Variants in HIBADH observed in about 807,000 individuals in gnomAD.
The protein encoded by HIBADH is 3-hydroxyisobutyrate dehydrogenase, also known as 3-hydroxyisobutyrate dehydrogenase, mitochondrial.
In HIBADH, 25 loss-of-function variants were observed where a neutral mutation model predicts 36.1. That is an observed-to-expected ratio of 0.69 (90% CI 0.50 to 0.97). The LOEUF is 0.97. HIBADH is among the 50% of genes least tolerant of loss of function. The pLI is 0.00. For synonymous variants in HIBADH, 160 were observed against 149.5 expected, an observed-to-expected ratio of 1.07 and a Z score of -0.51; for missense variants, 421 against 418.0, an observed-to-expected ratio of 1.01 and a Z score of -0.06.
chr7:27,616,251 A>G (rs1015589468), intron 4 of HIBADH, among the ~76,000 whole-genome samples: 1 of 152,148 alleles, frequency 6.6e-6, no homozygotes, highest in Admixed American at 6.5e-5. Flanking sequence ...CCTCACCTCC[A>G]AGGAATAGCA....
chr7:27,640,120 T>A (rs1785934571), intron 2 of HIBADH, among the ~76,000 whole-genome samples: 1 of 152,242 alleles, frequency 6.6e-6, no homozygotes, highest in Admixed American at 6.5e-5. Flanking sequence ...GCCTCCCTTA[T>A]TATTGTCATA....
chr7:27,554,706 TAAGCAA>T (rs1784366330), intron 4 of HIBADH, among the ~76,000 whole-genome samples: 1 of 151,994 alleles, frequency 6.6e-6, no homozygotes. Context: ...TAAGAAGAAA[TAAGCAA>T]AAGGCAAGAT....
At position 27,531,326 on chromosome 7, in the gene HIBADH, G is replaced by C. The variant is rs1783996966; in HGVS notation, c.718C>G (p.Leu240Val). ...GAGCTCATATTTAGGATTTTAGCCA[G>C]TAGTTTTGGGTCAAGCCCTAACCTG... Reference protein sequence around the residue: ...GIRLGLDPKLLAKILNMSSGR... With the variant: ...GIRLGLDPKLVAKILNMSSGR... The change falls in exon 7 of 8, where the codon CTG (leucine) becomes GTG (valine). Residue 240 changes from leucine to valine, a missense_variant. Leu to Val is a conservative substitution (Grantham distance 32). Transcript: ENST00000265395. 1.2e-6 allele frequency: 2 copies of C among 1,612,884 alleles called. No homozygotes were observed. The highest frequency in any genetic ancestry group is 1.3e-5 in the African/African-American group (1 of 74,910).
chr7:27,662,817 C>T lies in HIBADH; in HGVS notation c.-29G>A, dbSNP rs1472239529. 2.8e-6 allele frequency: 4 copies of T among 1,446,438 alleles called. No individual in the cohort carries two copies. Among genetic ancestry groups the T allele is most frequent in the Non-Finnish European group, 3.7e-6 (4 of 1,091,282 alleles). 89.6% of individuals were successfully genotyped at this position (1,446,438 alleles called of 1,614,324 possible). On this transcript the variant is annotated 5_prime_UTR_variant, in exon 1 of 8. Coordinates refer to ENST00000265395, the MANE Select transcript of HIBADH (RefSeq NM_152740.4). ...GCGCCCGCCCCTCTCCCCGCGGTGA[C>T]CTCCGCCGCCTCCCGGAGGGCCCAC...
chr7:27,600,519 C>G (rs1243295144), intron 4 of HIBADH, among the ~76,000 whole-genome samples: 2 of 152,112 alleles, frequency 1.3e-5, no homozygotes, highest in East Asian at 1.9e-4. Flanking sequence ...AGCAATAATC[C>G]TTATTCCCTT....
intron 4 of HIBADH, among the ~76,000 whole-genome samples, chr7:27,582,335 T>C (rs566477521): frequency 1.3e-5 from 2 of 152,288 alleles, no homozygotes; most frequent in South Asian, 4.1e-4. Flanking sequence ...CAGAAATTGT[T>C]GGTGTTTTGA....
intron 4 of HIBADH, among the ~76,000 whole-genome samples, chr7:27,552,263 T>C (rs1228205002): frequency 2.0e-5 from 3 of 152,132 alleles, no homozygotes; most frequent in Admixed American, 6.5e-5. Context: ...ATGAATGGCT[T>C]TGCACATGTT....
Position 27,527,917 on chromosome 7 carries a change from C to CTT in HIBADH, c.853-1546_853-1545insAA, listed in dbSNP as rs1562609863. ...AGGCATTTGCCACCACCACACCCAG[C>CTT]GTTTTTTTTTTTTTTTTTTTTTTTT... On this transcript the variant is annotated intron_variant, in intron 7 of 7. Transcript: ENST00000265395. 3.1e-3 allele frequency among the ~76,000 whole-genome samples: 236 copies of CTT among 77,018 alleles called. 72 individuals carry two copies. Among genetic ancestry groups the CTT allele is most frequent in the African/African-American group, 0.011 (198 of 18,310 alleles). 50.5% of individuals were successfully genotyped at this position (77,018 alleles called of 152,430 possible). A position where few individuals can be genotyped will look rare whatever the true frequency, so the allele number is the denominator to read the frequency against.
chr7:27,592,917 T>C (rs565394664), intron 4 of HIBADH, among the ~76,000 whole-genome samples: 1 of 152,150 alleles, frequency 6.6e-6, no homozygotes, highest in Non-Finnish European at 1.5e-5. Flanking sequence ...TCCAACACCA[T>C]ACTTCCCTGT....
Position 27,526,145 on chromosome 7 carries a change from G to T in HIBADH, c.*69C>A. On this transcript the variant is annotated 3_prime_UTR_variant, in exon 8 of 8. Coordinates refer to ENST00000265395, the MANE Select transcript of HIBADH (RefSeq NM_152740.4). Reference sequence around the variant, plus strand: ...CCTTTGATTAAATCCATTTACTTGTGGAGTGAGCTAAAAGGAGGCTCCAAG... The same window carrying T: ...CCTTTGATTAAATCCATTTACTTGTTGAGTGAGCTAAAAGGAGGCTCCAAG... 1 of 1,329,712 alleles carries T rather than the reference G, an allele frequency of 7.5e-7. No individual in the cohort carries two copies. Among genetic ancestry groups the T allele is most frequent in the Non-Finnish European group, 1.0e-6 (1 of 990,308 alleles). 82.4% of individuals were successfully genotyped at this position (1,329,712 alleles called of 1,614,324 possible).
chr7:27,593,251 G>T (rs954138069), intron 4 of HIBADH, among the ~76,000 whole-genome samples: 4 of 152,082 alleles, frequency 2.6e-5, no homozygotes, highest in African/African-American at 9.7e-5. Flanking sequence ...AAAGCATTTT[G>T]GATTTTCAAA....
intron 4 of HIBADH, among the ~76,000 whole-genome samples, chr7:27,568,552 G>A (rs1784581328): frequency 6.6e-6 from 1 of 152,012 alleles, no homozygotes; most frequent in African/African-American, 2.4e-5. Context: ...TCGCCTCCAG[G>A]GTTTAGCCAA....
At chr7:27,654,453 G>C (rs1242639151) in intron 1 of HIBADH, among the ~76,000 whole-genome samples, 6 of 151,972 alleles carry the variant, frequency 3.9e-5, no homozygotes, top group African/African-American at 1.5e-4. Flanking sequence ...AAACGCACAA[G>C]AGCAGCCACA....
intron 4 of HIBADH, among the ~76,000 whole-genome samples, chr7:27,554,182 C>T (rs1188431833): frequency 1.3e-5 from 2 of 152,174 alleles, no homozygotes; most frequent in African/African-American, 4.8e-5. Context: ...GACAGGGTTT[C>T]ACCATGTTGG....
intron 4 of HIBADH, 148 bp from the exon 5 acceptor site, chr7:27,543,248 T>G: frequency 6.5e-6 from 5 of 767,842 alleles, no homozygotes; most frequent in Non-Finnish European, 1.0e-5. Context: ...TCTAAATCTC[T>G]ACAGAAATAT....
chr7:27,555,221 A>T (rs1784373819), intron 4 of HIBADH, among the ~76,000 whole-genome samples: 1 of 151,960 alleles, frequency 6.6e-6, no homozygotes, highest in South Asian at 2.1e-4. Context: ...CCACTGCTTA[A>T]TGGTGGTAAT....
rs188111320 is a variant in HIBADH, at chr7:27,653,351, A to G, written c.92-3718T>C. Among the ~76,000 whole-genome samples, 319 of 152,312 alleles carry G rather than the reference A, an allele frequency of 2.1e-3. 2 individuals carry two copies. The highest frequency in any genetic ancestry group is 7.3e-3 in the African/African-American group (302 of 41,574). Reference sequence around the variant, plus strand: ...TAAGAGAATAGTGTTATCAATACCTAAGTGAAGAAATCAAGGAGAGCTGGC... The same window carrying G: ...TAAGAGAATAGTGTTATCAATACCTGAGTGAAGAAATCAAGGAGAGCTGGC... On this transcript the variant is annotated intron_variant, in intron 1 of 7. Transcript: ENST00000265395.
chr7:27,631,597 G>A (rs374540993), intron 3 of HIBADH, among the ~76,000 whole-genome samples: 3 of 152,114 alleles, frequency 2.0e-5, no homozygotes, highest in African/African-American at 2.4e-5. Context: ...TAACATAACC[G>A]CAAGGGTTTG....
chr7:27,543,070 G>A lies in HIBADH; in HGVS notation c.515C>T (p.Thr172Met), dbSNP rs780213428. ...ATCTTCAACTCCTCCCACCATAAACGTGAGGTTCCCAGATCGTGCAGCTCC... is the reference window on the plus strand; with the variant it reads ...ATCTTCAACTCCTCCCACCATAAACATGAGGTTCCCAGATCGTGCAGCTCC... ...GVGAARSGNL[T>M]FMVGGVEDEF... is the part of the protein sequence containing the mutation. The change falls in exon 5 of 8, where the codon ACG becomes ATG. Residue 172 changes from threonine to methionine, a missense_variant. Transcript: ENST00000265395. The A allele has an allele frequency of 5.8e-5, 94 of 1,613,524 alleles. No individual in the cohort carries two copies. The highest frequency in any genetic ancestry group is 7.5e-5 in the Non-Finnish European group (89 of 1,179,800).
Sources: allele counts gnomAD v4.1 joint callset (sites outside exome capture counted in the v4.1 genomes callset), GRCh38; gene constraint gnomAD v4.1.1; transcripts MANE v1.5; gene names NCBI Gene and HGNC (gene_info 2026-07-23, HGNC 2026-07-21).